STK24: variants seen among roughly 807,000 people sequenced by gnomAD.
STK24 encodes serine/threonine-protein kinase 24.
Under a neutral mutation model 55.6 loss-of-function variants are expected in STK24, and 21 were observed. That is an observed-to-expected ratio of 0.38 (90% CI 0.27 to 0.54). The LOEUF (loss-of-function observed/expected upper bound fraction) is 0.54, where lower values mean the gene tolerates loss of function less well. Ranked by LOEUF, STK24 falls within the 20% of genes least tolerant of loss-of-function variation. The probability of loss-of-function intolerance (pLI) is 0.79; values close to 1 mark genes in which losing one functional copy is unlikely to be tolerated. For synonymous variants in STK24, 200 were observed against 215.2 expected (o/e 0.93, Z 0.62); for missense variants, 383 against 538.4 (o/e 0.71, Z 2.86).
At chr13:98,485,041 AG>A (rs1389975306) in intron 2 of STK24, among the ~76,000 whole-genome samples, 1 of 152,102 alleles carries the variant, frequency 6.6e-6, no homozygotes, top group Non-Finnish European at 1.5e-5. Context: ...ACCAACAACC[AG>A]GGGGTGGGAT....
At chr13:98,554,003 A>C (rs1486058886) in intron 1 of STK24, among the ~76,000 whole-genome samples, 3 of 150,896 alleles carry the variant, frequency 2.0e-5, no homozygotes, top group Non-Finnish European at 2.9e-5. Context: ...TGGAGGCTGC[A>C]GTGAGCCGAG....
intron 5 of STK24, among the ~76,000 whole-genome samples, chr13:98,472,755 C>A (rs910405829): frequency 6.6e-6 from 1 of 152,140 alleles, no homozygotes; most frequent in Admixed American, 6.5e-5. Context: ...TACCAGGCAA[C>A]CTCTTTGACT....
chr13:98,548,852 ACT>A (rs1444374725), intron 1 of STK24, among the ~76,000 whole-genome samples: 1 of 126,150 alleles, frequency 7.9e-6, no homozygotes, highest in East Asian at 2.3e-4. Flanking sequence ...ACAGAGTGAG[ACT>A]CTGTCTCAAA....
At chr13:98,523,469 C>G (rs1188364559) in intron 1 of STK24, among the ~76,000 whole-genome samples, 1 of 152,208 alleles carries the variant, frequency 6.6e-6, no homozygotes, top group Non-Finnish European at 1.5e-5. Flanking sequence ...GCCGCCCTGG[C>G]CCTTGAACCT....
intron 1 of STK24, among the ~76,000 whole-genome samples, chr13:98,562,849 G>A (rs1338133913): frequency 6.9e-6 from 1 of 144,894 alleles, no homozygotes; most frequent in Non-Finnish European, 1.5e-5. Context: ...CCAGGAGGCA[G>A]AAGTTGCAGT....
intron 1 of STK24, among the ~76,000 whole-genome samples, chr13:98,538,222 C>CTTTTTTTTTTT (rs55720452): frequency 1.1e-5 from 1 of 91,610 alleles, no homozygotes; most frequent in Non-Finnish European, 2.0e-5. Flanking sequence ...TTGGTGCTTG[C>CTTTTTTTTTTT]TTTTTTTTTT....
At chr13:98,457,438 G>A in intron 9 of STK24, 134 bp from the exon 10 acceptor site, 14 of 1,281,398 alleles carry the variant, frequency 1.1e-5, no homozygotes, top group Non-Finnish European at 9.7e-6. Context: ...AAAAGCTTTG[G>A]CTAGGGCTCC....
intron 2 of STK24, among the ~76,000 whole-genome samples, chr13:98,496,737 G>A (rs769571494): frequency 6.6e-6 from 1 of 152,228 alleles, no homozygotes; most frequent in African/African-American, 2.4e-5. Flanking sequence ...ACCACTTAAA[G>A]AGAATCACAA....
Position 98,445,990 on chromosome 13 carries a change from A to C in STK24, c.*7183T>G. ...AGCGGGGGTGGGGCCCACATCCTTC[A>C]GTCACGGACATGCCCCAGCCCAGGG... On this transcript the variant is annotated 3_prime_UTR_variant, in exon 11 of 11. Coordinates refer to ENST00000539966, the MANE Select transcript of STK24 (RefSeq NM_001032296.4). The C allele has an allele frequency of 1.4e-6, 1 of 708,432 alleles. No individual in the cohort carries two copies. The allele number at this position is 708,432 out of a possible 1,614,324, so 43.9% of individuals were successfully genotyped here.
chr13:98,526,257 ATTG>A (rs1284762870), intron 1 of STK24, among the ~76,000 whole-genome samples: 2 of 152,076 alleles, frequency 1.3e-5, no homozygotes, highest in African/African-American at 4.8e-5. Context: ...TGGATGCAAA[ATTG>A]TTGTCTCAGT....
chr13:98,537,330 G>T (rs1450042832), intron 1 of STK24, among the ~76,000 whole-genome samples: 1 of 152,198 alleles, frequency 6.6e-6, no homozygotes, highest in African/African-American at 2.4e-5. Flanking sequence ...CCTTCCCCCT[G>T]GATGGCGTTA....
chr13:98,473,667 G>C (rs555566665), intron 5 of STK24, among the ~76,000 whole-genome samples: 1 of 152,116 alleles, frequency 6.6e-6, no homozygotes, highest in Non-Finnish European at 1.5e-5. Flanking sequence ...GTGGGGGGTG[G>C]GGGAACCCAT....
intron 3 of STK24, among the ~76,000 whole-genome samples, chr13:98,479,730 T>G (rs1274628370): frequency 6.6e-6 from 1 of 152,190 alleles, no homozygotes; most frequent in Non-Finnish European, 1.5e-5. Flanking sequence ...GGGAGACCCT[T>G]GCACCTCGAG....
chr13:98,523,172 C>CT (rs1264585110), intron 1 of STK24, among the ~76,000 whole-genome samples: 2 of 152,182 alleles, frequency 1.3e-5, no homozygotes, highest in Admixed American at 1.3e-4. Context: ...TCGGCACAGG[C>CT]TGGGACAGGA....
chr13:98,460,355 G>C lies in STK24; in HGVS notation c.1122+17C>G. 1.2e-6 allele frequency: 2 copies of C among 1,611,506 alleles called. No individual in the cohort carries two copies. Among genetic ancestry groups the C allele is most frequent in the Non-Finnish European group, 1.7e-6 (2 of 1,178,456 alleles). ...CCCCCTCCCCTCCCACTCCGAAAAG[G>C]CCAGCCAGGTACCTACCTCTGCAAA... On this transcript the variant is annotated intron_variant, in intron 9 of 10. Coordinates refer to ENST00000539966, the MANE Select transcript of STK24 (RefSeq NM_001032296.4).
At chr13:98,509,297 A>G (rs1895796694) in intron 2 of STK24, among the ~76,000 whole-genome samples, 1 of 152,234 alleles carries the variant, frequency 6.6e-6, no homozygotes, top group African/African-American at 2.4e-5. Flanking sequence ...TATAGTATCA[A>G]TGTTGCCAAG....
intron 10 of STK24, chr13:98,454,962 A>G (rs1260840082): frequency 6.6e-6 from 1 of 152,216 alleles, no homozygotes; most frequent in Non-Finnish European, 1.5e-5. Flanking sequence ...CAACACAGAC[A>G]TCAGGTAGCT....
chr13:98,464,969 A>G (rs886493486), intron 6 of STK24, among the ~76,000 whole-genome samples: 2 of 152,152 alleles, frequency 1.3e-5, no homozygotes, highest in African/African-American at 4.8e-5. Context: ...TAGAAGGGCT[A>G]TTTCCCAGGT....
chr13:98,565,215 C>A (rs1897533839), intron 1 of STK24, among the ~76,000 whole-genome samples: 1 of 152,148 alleles, frequency 6.6e-6, no homozygotes, highest in Admixed American at 6.5e-5. Context: ...TACACCAGGA[C>A]ACTTGCTCAG....
Sources: allele counts gnomAD v4.1 joint callset (sites outside exome capture counted in the v4.1 genomes callset), GRCh38; gene constraint gnomAD v4.1.1; transcripts MANE v1.5; gene names NCBI Gene and HGNC (gene_info 2026-07-23, HGNC 2026-07-21).